The following RAB38 variants were observed in gnomAD, a reference collection of about 807,000 sequenced individuals.
RAB38 encodes RAB38, member RAS oncogene family.
In RAB38, 15 loss-of-function variants were observed where a neutral mutation model predicts 18.4. That is an observed-to-expected ratio of 0.82 (90% CI 0.55 to 1.26). The LOEUF is 1.26. RAB38 is among the 50% of genes most tolerant of loss of function. The probability of loss-of-function intolerance (pLI) is 0.00; values close to 1 mark genes in which losing one functional copy is unlikely to be tolerated. For synonymous variants in RAB38, 101 were observed against 104.4 expected (o/e 0.97, Z 0.20); for missense variants, 294 against 267.4 (o/e 1.10, Z -0.69).
the RAB38 span, among the ~76,000 whole-genome samples, chr11:88,074,988 A>G: frequency 6.6e-6 from 1 of 152,252 alleles, no homozygotes; most frequent in Non-Finnish European, 1.5e-5. Flanking sequence ...AAAGGAGTCA[A>G]TTCAGAAAAA....
At chr11:87,832,134 T>C in the RAB38 span, among the ~76,000 whole-genome samples, 2 of 152,208 alleles carry the variant, frequency 1.3e-5, no homozygotes, top group East Asian at 3.8e-4. Flanking sequence ...GTAAAATACT[T>C]GTTGAGCATC....
At chr11:87,970,796 G>T in the RAB38 span, among the ~76,000 whole-genome samples, 1 of 152,058 alleles carries the variant, frequency 6.6e-6, no homozygotes, top group Non-Finnish European at 1.5e-5. Flanking sequence ...AAGAGTTAGG[G>T]AGCTGCAAGC....
the RAB38 span, among the ~76,000 whole-genome samples, chr11:88,007,462 C>G: frequency 6.3e-3 from 956 of 151,902 alleles, 3 homozygotes; most frequent in Non-Finnish European, 0.01. Context: ...CTTCATCAAA[C>G]AAGATATTTA....
chr11:87,873,916 G>GTATA, the RAB38 span, among the ~76,000 whole-genome samples: 1 of 50,084 alleles, frequency 2.0e-5, no homozygotes, highest in Non-Finnish European at 3.9e-5. Context: ...ATATGTGTGT[G>GTATA]TGTGTGTATA....
chr11:88,117,450 GACAAGCCTGT>G (rs1468608639), intron 2 of RAB38, among the ~76,000 whole-genome samples: 1 of 152,134 alleles, frequency 6.6e-6, no homozygotes, highest in Non-Finnish European at 1.5e-5. Context: ...TCCATTACTA[GACAAGCCTGT>G]ACAGATCCTT....
chr11:87,940,598 ATATC>A, the RAB38 span, among the ~76,000 whole-genome samples: 2 of 152,092 alleles, frequency 1.3e-5, no homozygotes, highest in African/African-American at 2.4e-5. Flanking sequence ...ACATATATCT[ATATC>A]TATATATATG....
chr11:87,871,836 A>C, the RAB38 span, among the ~76,000 whole-genome samples: 1 of 151,566 alleles, frequency 6.6e-6, no homozygotes, highest in Non-Finnish European at 1.5e-5. Context: ...ACTTCTGCGT[A>C]GCAATGGTTT....
At chr11:87,825,424 G>C in the RAB38 span, among the ~76,000 whole-genome samples, 3 of 152,028 alleles carry the variant, frequency 2.0e-5, no homozygotes, top group African/African-American at 7.2e-5. Context: ...TGCCAGCAGG[G>C]TTGGCTTCCT....
the RAB38 span, among the ~76,000 whole-genome samples, chr11:87,958,469 A>G: frequency 0.021 from 3,166 of 152,062 alleles, 96 homozygotes; most frequent in African/African-American, 0.063. Flanking sequence ...TATTCTTTCC[A>G]CTGCTAGTGT....
At chr11:87,966,776 T>C in the RAB38 span, among the ~76,000 whole-genome samples, 2 of 152,206 alleles carry the variant, frequency 1.3e-5, no homozygotes, top group South Asian at 4.1e-4. Context: ...AAGTACATAA[T>C]TTTATCTGAG....
At chr11:87,948,069 A>G in the RAB38 span, among the ~76,000 whole-genome samples, 13 of 152,014 alleles carry the variant, frequency 8.6e-5, no homozygotes, top group African/African-American at 2.4e-4. Context: ...CTTTTATTTC[A>G]TTGAGCAGTG....
At chr11:88,060,037 T>A in the RAB38 span, among the ~76,000 whole-genome samples, 1 of 152,232 alleles carries the variant, frequency 6.6e-6, no homozygotes, top group Non-Finnish European at 1.5e-5. Flanking sequence ...AGGAAGCAAG[T>A]GGAATCCACA....
At chr11:88,073,079 C>G in the RAB38 span, among the ~76,000 whole-genome samples, 1 of 152,156 alleles carries the variant, frequency 6.6e-6, no homozygotes, top group Non-Finnish European at 1.5e-5. Flanking sequence ...TTATACACTA[C>G]AAAAAGTGAG....
the RAB38 span, among the ~76,000 whole-genome samples, chr11:87,958,710 TGTCAA>T: frequency 6.6e-6 from 1 of 152,204 alleles, no homozygotes; most frequent in Non-Finnish European, 1.5e-5. Flanking sequence ...GAATTTTTGA[TGTCAA>T]GACAAATAGG....
the RAB38 span, among the ~76,000 whole-genome samples, chr11:88,049,396 G>A: frequency 1.3e-5 from 2 of 151,922 alleles, no homozygotes; most frequent in African/African-American, 4.8e-5. Context: ...GGCTCATCCT[G>A]GCTCAAAAGC....
At chr11:87,977,877 A>ATTTATATATAATTATATACATT in the RAB38 span, among the ~76,000 whole-genome samples, 3 of 111,264 alleles carry the variant, frequency 2.7e-5, no homozygotes, top group Non-Finnish European at 5.0e-5. Flanking sequence ...AAATATATAT[A>ATTTATATATAATTATATACATT]AAGATGTAGT....
chr11:88,132,447 A>G (rs1942777287), intron 2 of RAB38, among the ~76,000 whole-genome samples: 1 of 152,078 alleles, frequency 6.6e-6, no homozygotes, highest in South Asian at 2.1e-4. Flanking sequence ...TTCTAACTGA[A>G]ATAGATGTTT....
chr11:87,918,347 G>A, the RAB38 span, among the ~76,000 whole-genome samples: 9 of 152,026 alleles, frequency 5.9e-5, no homozygotes, highest in Admixed American at 5.9e-4. Flanking sequence ...TGCGATGAAC[G>A]TGGGAATACA....
At chr11:87,919,379 T>G in the RAB38 span, among the ~76,000 whole-genome samples, 5 of 152,134 alleles carry the variant, frequency 3.3e-5, no homozygotes, top group Non-Finnish European at 5.9e-5. Context: ...TTTTTTTTAT[T>G]TTATTAATGT....
Sources: gnomAD v4.1 joint callset for allele counts (sites outside exome capture counted in the v4.1 genomes callset) on GRCh38, gnomAD v4.1.1 for gene constraint, MANE v1.5 for transcripts, NCBI Gene and HGNC (gene_info 2026-07-23, HGNC 2026-07-21) for gene names.